Variants in YES1 observed in about 807,000 individuals in gnomAD.
YES1 encodes tyrosine-protein kinase Yes.
A neutral mutation model predicts 70.4 loss-of-function variants in YES1; 39 were observed. The ratio of observed to expected loss-of-function variants is 0.55; its 90% confidence interval spans 0.43 to 0.72. The LOEUF is 0.72. Ranked by LOEUF, YES1 falls within the 30% of genes least tolerant of loss-of-function variation. The pLI, the probability that YES1 is intolerant of heterozygous loss-of-function variation, is 0.00. For synonymous variants in YES1, 198 were observed against 218.6 expected, an observed-to-expected ratio of 0.91 and a Z score of 0.83; for missense variants, 495 against 644.8, an observed-to-expected ratio of 0.77 and a Z score of 2.52.
At chr18:811,495 G>T (rs1907377395) in intron 1 of YES1, among the ~76,000 whole-genome samples, 1 of 152,228 alleles carries the variant, frequency 6.6e-6, no homozygotes, top group South Asian at 2.1e-4. Context: ...CATGTGGACA[G>T]GGAACCGAAC....
At position 788,534 on chromosome 18, in the gene YES1, C is replaced by T. The variant is rs535241596; in HGVS notation, c.-9+23580G>A. ...GCACATACACGTATGGAAGTTTCCA[C>T]CCAGAAAGGCACTAATATTCTGTGG... On this transcript the variant is annotated intron_variant, in intron 1 of 11. Coordinates refer to ENST00000314574, the MANE Select transcript of YES1 (RefSeq NM_005433.4). Among the ~76,000 whole-genome samples, 26 of 152,224 alleles carry T rather than the reference C, an allele frequency of 1.7e-4. No individual in the cohort carries two copies. In the East Asian group the frequency reaches 4.4e-3, roughly 26 times the overall value.
upstream of YES1, chr18:812,401 C>G (rs906719446): frequency 6.6e-6 from 1 of 152,118 alleles, no homozygotes; most frequent in South Asian, 2.1e-4. Context: ...CGCCGCCGTC[C>G]GCTCACCGGA....
intron 8 of YES1, 151 bp from the exon 9 acceptor site, chr18:739,962 TC>T: frequency 3.3e-6 from 2 of 607,942 alleles, no homozygotes; most frequent in Non-Finnish European, 5.5e-6. Flanking sequence ...CAAATAATTA[TC>T]TAGGTCCTAG....
intron 11 of YES1, among the ~76,000 whole-genome samples, chr18:732,458 C>A (rs12955537): frequency 0.4 from 42,246 of 105,454 alleles, 7,543 homozygotes; most frequent in African/African-American, 0.51. Context: ...AAAAAAAAAA[C>A]AAAACACCAA....
At chr18:812,327 G>C (rs1907446931), upstream of YES1, 2 of 145,150 alleles carry the variant, frequency 1.4e-5, no homozygotes, top group Middle Eastern at 3.8e-3. Context: ...CACCTCCTCC[G>C]CCCCCCCCCC....
At chr18:802,998 C>T (rs569280255) in intron 1 of YES1, among the ~76,000 whole-genome samples, 54 of 151,344 alleles carry the variant, frequency 3.6e-4, no homozygotes, top group African/African-American at 1.1e-3. Context: ...GAGGCCGAGG[C>T]GGGAGGATCC....
intron 1 of YES1, among the ~76,000 whole-genome samples, chr18:798,451 C>CTAT (rs1906652216): frequency 6.6e-6 from 1 of 152,082 alleles, no homozygotes; most frequent in Non-Finnish European, 1.5e-5. Flanking sequence ...ACTTACAGTG[C>CTAT]ATGCATTAAA....
chr18:802,977 C>A (rs1281412966), intron 1 of YES1, among the ~76,000 whole-genome samples: 7 of 152,098 alleles, frequency 4.6e-5, no homozygotes, highest in Admixed American at 1.3e-4. Flanking sequence ...CCTGTTTTCC[C>A]AGCACTTTGG....
chr18:756,530 C>A, intron 2 of YES1, 27 bp downstream of exon 2: 2 of 1,612,372 alleles, frequency 1.2e-6, no homozygotes, highest in South Asian at 2.2e-5. Context: ...CTCAAACAGA[C>A]AACATAATTG....
chr18:792,172 T>C (rs9952996), intron 1 of YES1, among the ~76,000 whole-genome samples: 56,678 of 151,826 alleles, frequency 0.37, 11,833 homozygotes, highest in African/African-American at 0.56. Flanking sequence ...AGTGTGGTGG[T>C]GCATGCCTGT....
At chr18:746,246 T>TTACAGTA (rs1189575830) in intron 4 of YES1, among the ~76,000 whole-genome samples, 195 bp from the exon 5 acceptor site, 7 of 152,188 alleles carry the variant, frequency 4.6e-5, no homozygotes, top group Non-Finnish European at 8.8e-5. Flanking sequence ...GAATATACTC[T>TTACAGTA]TACAGTATTT....
chr18:731,697 G>A (rs930774312), intron 11 of YES1, among the ~76,000 whole-genome samples: 1 of 152,134 alleles, frequency 6.6e-6, no homozygotes, highest in African/African-American at 2.4e-5. Context: ...GCCAGGCACG[G>A]TGGCTCACGC....
rs1325610352 is a variant in YES1 at position 745,740 on chromosome 18, T to C, written c.692A>G (p.Asp231Gly). ...GTGTTTCACCAATTTCTGCAGAGTA[T>C]CAAATTGTGCTCTGGTTGTGATATA... ...GYYITTRAQFDTLQKLVKHYT... is the reference protein window; with the variant it reads ...GYYITTRAQFGTLQKLVKHYT... Residue 231 changes from aspartate (D) to glycine (G), a missense_variant, in exon 6 of 12, where the codon GAT (aspartate) becomes GGT (glycine). Physicochemically the swap from Asp to Gly is moderately conservative, Grantham distance 94. This residue lies in a region of YES1 where 385 missense variants were observed against 540.9 expected (regional missense o/e 0.71). Transcript: ENST00000314574. The C allele has an allele frequency of 1.2e-6, 2 of 1,612,206 alleles. No homozygotes were observed. Among genetic ancestry groups the C allele is most frequent in the Admixed American group, 1.7e-5 (1 of 59,686 alleles).
chr18:776,270 T>C (rs1396941334), intron 1 of YES1, among the ~76,000 whole-genome samples: 1 of 151,934 alleles, frequency 6.6e-6, no homozygotes, highest in East Asian at 1.9e-4. Flanking sequence ...CTTGGCTCAC[T>C]GCAACCTCTG....
intron 1 of YES1, among the ~76,000 whole-genome samples, chr18:805,356 TA>T (rs912899165): frequency 4.9e-4 from 74 of 152,132 alleles, no homozygotes; most frequent in Non-Finnish European, 9.0e-4. Context: ...TTACACAGTA[TA>T]AAAAAATAAA....
chr18:744,761 T>C (rs1274349040), intron 6 of YES1, among the ~76,000 whole-genome samples: 5 of 143,658 alleles, frequency 3.5e-5, no homozygotes, highest in African/African-American at 1.0e-4. Context: ...CTTGAACTCC[T>C]GGCCTCAAGT....
chr18:724,306 A>G lies in YES1; in HGVS notation c.*118T>C. 9.9e-7 allele frequency: 1 copy of G among 1,006,336 alleles called. No individual in the cohort carries two copies. The highest frequency in any genetic ancestry group is 1.4e-6 in the Non-Finnish European group (1 of 694,466). The allele number at this position is 1,006,336 out of a possible 1,614,324, so 62.3% of individuals were successfully genotyped here. On this transcript the variant is annotated 3_prime_UTR_variant, in exon 12 of 12. Transcript: ENST00000314574. ...TTTGTGCAACCATATCTGGGATTCC[A>G]GTTTACCATTAAAAACATGCAGAGT...
chr18:744,265 C>T (rs1345131618), intron 6 of YES1, among the ~76,000 whole-genome samples: 4 of 151,900 alleles, frequency 2.6e-5, no homozygotes, highest in African/African-American at 9.7e-5. Context: ...TGCCTTTGTA[C>T]ACTGGGTTTT....
At chr18:754,651 G>A (rs1440500476) in intron 2 of YES1, among the ~76,000 whole-genome samples, 1 of 150,654 alleles carries the variant, frequency 6.6e-6, no homozygotes, top group Admixed American at 6.6e-5. Flanking sequence ...GCAGAAGGTT[G>A]CAGTGAGCCA....
Sources: gnomAD v4.1 joint callset for allele counts (sites outside exome capture counted in the v4.1 genomes callset) on GRCh38, gnomAD v4.1.1 for gene constraint, gnomAD v4.1.1 regional missense constraint, MANE v1.5 for transcripts, NCBI Gene and HGNC (gene_info 2026-07-23, HGNC 2026-07-21) for gene names.